CORO2B: variants seen among roughly 807,000 people sequenced by gnomAD.
CORO2B encodes coronin-2B.
Under a neutral mutation model 58.8 loss-of-function variants are expected in CORO2B, and 26 were observed. The observed-to-expected ratio is 0.44, with a 90% CI of 0.32 to 0.61. The LOEUF (loss-of-function observed/expected upper bound fraction) is 0.61, where lower values mean the gene tolerates loss of function less well. Ranked by LOEUF, CORO2B falls within the 20% of genes least tolerant of loss-of-function variation. The pLI, the probability that CORO2B is intolerant of heterozygous loss-of-function variation, is 0.04. For missense variants in CORO2B, 460 were observed against 645.1 expected (o/e 0.71, Z 3.11); for synonymous variants, 242 against 253.8 (o/e 0.95, Z 0.44).
chr15:68,665,680 C>G (rs1185142372), intron 2 of CORO2B, among the ~76,000 whole-genome samples: 1 of 151,916 alleles, frequency 6.6e-6, no homozygotes, highest in Non-Finnish European at 1.5e-5. Context: ...TTTCTTGTTA[C>G]ACGTATTTAC....
At chr15:68,541,166 T>G in the CORO2B span, among the ~76,000 whole-genome samples, 1 of 151,370 alleles carries the variant, frequency 6.6e-6, no homozygotes, top group Non-Finnish European at 1.5e-5. Context: ...GCCTGAAAGG[T>G]GGAGGCTGCA....
intron 1 of CORO2B, among the ~76,000 whole-genome samples, chr15:68,610,908 G>A (rs1206690773): frequency 2.0e-5 from 3 of 152,196 alleles, no homozygotes; most frequent in Non-Finnish European, 4.4e-5. Context: ...CTGATGGCAG[G>A]TAGCACCTTC....
the CORO2B span, among the ~76,000 whole-genome samples, chr15:68,554,092 GGCCCC>G: frequency 1.4e-4 from 21 of 152,170 alleles, no homozygotes; most frequent in Non-Finnish European, 1.5e-5. Context: ...GCGGTGACAG[GGCCCC>G]CTTAGGGAGG....
At chr15:68,548,237 A>G in the CORO2B span, among the ~76,000 whole-genome samples, 1 of 152,006 alleles carries the variant, frequency 6.6e-6, no homozygotes, top group Admixed American at 6.6e-5. Context: ...TGATACATAC[A>G]TCTAATTCTT....
the CORO2B span, among the ~76,000 whole-genome samples, chr15:68,564,200 A>C: frequency 6.6e-6 from 1 of 152,218 alleles, no homozygotes; most frequent in Admixed American, 6.5e-5. Context: ...TACTTTAATA[A>C]ATATTGTTTT....
Position 68,715,320 on chromosome 15 carries a change from C to G in CORO2B, c.967+9C>G. On this transcript the variant is annotated intron_variant, in intron 8 of 11. Transcript: ENST00000261861. ...CCCGCAGAAAGGCCTAGGTAAGTGG[C>G]CCCGAGGCTGCCACAGCTGGTGTGC... is the stretch of plus-strand genomic sequence containing the variant. 2 of 1,603,908 alleles carry G rather than the reference C, an allele frequency of 1.2e-6. No homozygotes were observed. The highest frequency in any genetic ancestry group is 2.2e-5 in the South Asian group (2 of 90,808).
At chr15:68,569,518 GTTTA>G in the CORO2B span, among the ~76,000 whole-genome samples, 1,461 of 152,300 alleles carry the variant, frequency 9.6e-3, 8 homozygotes, top group South Asian at 0.016. Flanking sequence ...ATGTACCACA[GTTTA>G]TTTATCTGTT....
At chr15:68,532,310 A>AT in the CORO2B span, among the ~76,000 whole-genome samples, 4 of 152,056 alleles carry the variant, frequency 2.6e-5, no homozygotes, top group Non-Finnish European at 2.9e-5. Flanking sequence ...GTGCTGCCCC[A>AT]TAAGACATTG....
the CORO2B span, among the ~76,000 whole-genome samples, chr15:68,570,725 T>C: frequency 7.9e-5 from 12 of 151,988 alleles, no homozygotes; most frequent in South Asian, 2.5e-3. Flanking sequence ...GGAAAGGGTC[T>C]GTGTTCAAAC....
intron 2 of CORO2B, among the ~76,000 whole-genome samples, chr15:68,667,072 C>G (rs532455095): frequency 2.0e-5 from 3 of 152,220 alleles, no homozygotes; most frequent in Non-Finnish European, 4.4e-5. Flanking sequence ...GCTCCCCGCT[C>G]CTGATCTCCC....
rs145674025 is a variant in CORO2B at position 68,688,002 on chromosome 15, G to A, written c.217-7138G>A. 1.6e-3 allele frequency among the ~76,000 whole-genome samples: 241 copies of A among 152,324 alleles called. 1 individual carries two copies. Among genetic ancestry groups the A allele is most frequent in the African/African-American group, 5.5e-3 (229 of 41,582 alleles). ...CTCTGGGGAACATGTTCAAGCCATAGCACCCTCCAGACCATCCATTGGTAA... is the reference window on the plus strand; with the variant it reads ...CTCTGGGGAACATGTTCAAGCCATAACACCCTCCAGACCATCCATTGGTAA... On this transcript the variant is annotated intron_variant, in intron 2 of 11. Coordinates refer to ENST00000261861, the MANE Select transcript of CORO2B (RefSeq NM_006091.5).
the CORO2B span, among the ~76,000 whole-genome samples, chr15:68,569,582 C>T: frequency 6.6e-6 from 1 of 152,230 alleles, no homozygotes; most frequent in Non-Finnish European, 1.5e-5. Flanking sequence ...CAATTCTGAA[C>T]AAAGCTACTG....
At chr15:68,653,175 T>A (rs1162423010) in intron 2 of CORO2B, among the ~76,000 whole-genome samples, 1 of 152,110 alleles carries the variant, frequency 6.6e-6, no homozygotes, top group Non-Finnish European at 1.5e-5. Context: ...ATAGCATCAC[T>A]CCAGCAGTCA....
At chr15:68,605,155 C>CAA (rs1900077888) in intron 1 of CORO2B, among the ~76,000 whole-genome samples, 1 of 151,854 alleles carries the variant, frequency 6.6e-6, no homozygotes, top group Non-Finnish European at 1.5e-5. Flanking sequence ...AGAAAAACTT[C>CAA]AATCTCCCAG....
chr15:68,682,878 G>T (rs1203515347), intron 2 of CORO2B, among the ~76,000 whole-genome samples: 1 of 152,180 alleles, frequency 6.6e-6, no homozygotes, highest in South Asian at 2.1e-4. Flanking sequence ...CTCAAAATGA[G>T]TTTCCTTTCA....
intron 1 of CORO2B, among the ~76,000 whole-genome samples, chr15:68,631,322 A>G (rs1900821551): frequency 6.6e-6 from 1 of 152,174 alleles, no homozygotes; most frequent in South Asian, 2.1e-4. Context: ...TGTTGCCCCC[A>G]TTTTTATAGA....
chr15:68,544,958 G>A, the CORO2B span, among the ~76,000 whole-genome samples: 1 of 152,094 alleles, frequency 6.6e-6, no homozygotes, highest in Admixed American at 6.5e-5. Context: ...TGTATTTTTA[G>A]TACAGACGGG....
chr15:68,667,328 C>T (rs942107076), intron 2 of CORO2B, among the ~76,000 whole-genome samples: 1 of 152,230 alleles, frequency 6.6e-6, no homozygotes, highest in Non-Finnish European at 1.5e-5. Flanking sequence ...TCTTCCTCTG[C>T]TTTGCCAACA....
At chr15:68,525,636 C>T in the CORO2B span, among the ~76,000 whole-genome samples, 1 of 152,174 alleles carries the variant, frequency 6.6e-6, no homozygotes, top group Admixed American at 6.5e-5. Flanking sequence ...TATCTATCCC[C>T]AGAACAGAAA....
Sources: gnomAD v4.1 joint callset for allele counts (sites outside exome capture counted in the v4.1 genomes callset) on GRCh38, gnomAD v4.1.1 for gene constraint, MANE v1.5 for transcripts, NCBI Gene and HGNC (gene_info 2026-07-23, HGNC 2026-07-21) for gene names.